PZP: variants seen among roughly 807,000 people sequenced by gnomAD.
PZP encodes pregnancy zone protein.
Under a neutral mutation model 179.8 loss-of-function variants are expected in PZP, and 150 were observed. That is an observed-to-expected ratio of 0.83 (90% CI 0.73 to 0.96). The LOEUF (loss-of-function observed/expected upper bound fraction) is 0.96, where lower values mean the gene tolerates loss of function less well. Ranked by LOEUF, PZP falls within the 40% of genes least tolerant of loss-of-function variation. PZP has a pLI of 0.00. For missense variants in PZP, 1,689 were observed against 1,764.0 expected, an observed-to-expected ratio of 0.96 and a Z score of 0.76; for synonymous variants, 624 against 652.3, an observed-to-expected ratio of 0.96 and a Z score of 0.66.
At chr12:9,191,793 GA>G (rs199558979) in intron 13 of PZP, among the ~76,000 whole-genome samples, 3 of 151,154 alleles carry the variant, frequency 2.0e-5, no homozygotes, top group African/African-American at 7.3e-5. Context: ...CCTGGCACAA[GA>G]AAAAAAAATC....
At chr12:9,160,580 T>A in intron 23 of PZP, 90 bp from the exon 24 acceptor site, 1 of 1,186,280 alleles carries the variant, frequency 8.4e-7, no homozygotes, top group Non-Finnish European at 1.2e-6. Flanking sequence ...ATTCAGAGTC[T>A]ATCATTTAGG....
At chr12:9,189,283 A>G (rs1592533745) in intron 13 of PZP, among the ~76,000 whole-genome samples, 1 of 152,216 alleles carries the variant, frequency 6.6e-6, no homozygotes, top group African/African-American at 2.4e-5. Flanking sequence ...ACAGCATAGT[A>G]CTTGTACAAA....
At chr12:9,191,146 A>G (rs1943435657) in intron 13 of PZP, among the ~76,000 whole-genome samples, 1 of 152,074 alleles carries the variant, frequency 6.6e-6, no homozygotes, top group Non-Finnish European at 1.5e-5. Flanking sequence ...CTATATAGAG[A>G]TTTTCATACA....
At chr12:9,186,102 G>T (rs753540051) in intron 13 of PZP, among the ~76,000 whole-genome samples, 2 of 151,814 alleles carry the variant, frequency 1.3e-5, no homozygotes, top group Non-Finnish European at 2.9e-5. Context: ...CACTGCACCT[G>T]GCCAACATTC....
chr12:9,199,838 C>T (rs532993560), intron 7 of PZP, among the ~76,000 whole-genome samples: 24 of 152,034 alleles, frequency 1.6e-4, no homozygotes, highest in Admixed American at 4.6e-4. Context: ...TCTCTGTTAA[C>T]TTTGGCACGT....
Position 9,162,611 on chromosome 12 carries a change from A to G in PZP, c.2774T>C (p.Met925Thr), listed in dbSNP as rs1180418397. 2 of 1,595,384 alleles carry G rather than the reference A, an allele frequency of 1.3e-6. No homozygotes were observed. Among genetic ancestry groups the G allele is most frequent in the Admixed American group, 3.3e-5 (2 of 59,952 alleles). ...TGGACTCTTACCTGAGGCACAGGTC[A>G]TAGAACTGAAAGTCTTTTCTTGCTC... The part of the protein sequence containing the change: ...GIEQEKTFSS[M>T]TCASGANVSE... Residue 925 changes from methionine (M) to threonine (T), a missense_variant, in exon 22 of 36, where the codon ATG (methionine) becomes ACG (threonine). Met to Thr is a moderately conservative substitution (Grantham distance 81, BLOSUM62 -1). Transcript: ENST00000261336.
At chr12:9,147,967 GATA>G (rs1940098317), downstream of PZP, among the ~76,000 whole-genome samples, 2 of 151,836 alleles carry the variant, frequency 1.3e-5, no homozygotes, top group Non-Finnish European at 2.9e-5. Flanking sequence ...CTGTAGATAG[GATA>G]ATGTCATTCT....
At chr12:9,202,762 CTA>C (rs1357666181) in intron 2 of PZP, 78 bp from the exon 3 acceptor site, 1 of 1,375,254 alleles carries the variant, frequency 7.3e-7, no homozygotes, top group African/African-American at 1.5e-5. Flanking sequence ...TTGCTATTTC[CTA>C]TCTCTCCTTC....
chr12:9,160,054 G>A, intron 24 of PZP, 29 bp from the exon 25 acceptor site: 7 of 1,590,334 alleles, frequency 4.4e-6, no homozygotes, highest in Non-Finnish European at 5.2e-6. Context: ...GATTGTTCAT[G>A]AAGCATTAAA....
chr12:9,148,203 GT>G (rs1195204222), downstream of PZP, among the ~76,000 whole-genome samples: 1 of 152,056 alleles, frequency 6.6e-6, no homozygotes, highest in Non-Finnish European at 1.5e-5. Context: ...TAATTAACAT[GT>G]ACATTACTTC....
intron 1 of PZP, among the ~76,000 whole-genome samples, chr12:9,204,242 AAACTTT>A (rs1451975706): frequency 6.6e-6 from 1 of 152,232 alleles, no homozygotes; most frequent in Non-Finnish European, 1.5e-5. Flanking sequence ...TGAGCTCTTT[AAACTTT>A]AACTTTGACC....
intron 23 of PZP, 28 bp from the exon 24 acceptor site, chr12:9,160,518 G>T: frequency 6.3e-7 from 1 of 1,595,994 alleles, no homozygotes; most frequent in South Asian, 1.1e-5. Context: ...TTAGATGTCA[G>T]AATAATTTCA....
intron 15 of PZP, among the ~76,000 whole-genome samples, chr12:9,172,081 A>G (rs7298213): frequency 0.6 from 90,452 of 151,910 alleles, 27,874 homozygotes; most frequent in East Asian, 0.83. Flanking sequence ...CATGTTAAGG[A>G]CACCTAGAGA....
intron 25 of PZP, 50 bp from the exon 26 acceptor site, chr12:9,158,626 A>C (rs774687510): frequency 6.3e-7 from 1 of 1,590,344 alleles, no homozygotes; most frequent in Admixed American, 1.7e-5. Context: ...TGAGCACTTT[A>C]CTGCTCTGTT....
At chr12:9,136,662 C>A in the PZP span, among the ~76,000 whole-genome samples, 1 of 151,996 alleles carries the variant, frequency 6.6e-6, no homozygotes, top group Admixed American at 6.5e-5. Flanking sequence ...TACAAAGATT[C>A]CAGTTTTCTC....
intron 15 of PZP, among the ~76,000 whole-genome samples, chr12:9,179,983 C>T (rs111944429): frequency 0.011 from 1,717 of 152,282 alleles, 29 homozygotes; most frequent in African/African-American, 0.039. Flanking sequence ...ATCCACTTTT[C>T]TAATCTTAAA....
intron 15 of PZP, among the ~76,000 whole-genome samples, chr12:9,175,600 T>A (rs1214177508): frequency 1.3e-5 from 2 of 152,048 alleles, no homozygotes; most frequent in African/African-American, 4.8e-5. Flanking sequence ...TACGAGGAAC[T>A]TAAACAAATT....
chr12:9,185,790 A>ATTTCTTTTATTTTCTTTTCT (rs1555173419), intron 13 of PZP, among the ~76,000 whole-genome samples: 1 of 134,266 alleles, frequency 7.4e-6, no homozygotes, highest in Non-Finnish European at 1.6e-5. Flanking sequence ...TATGTTCAAC[A>ATTTCTTTTATTTTCTTTTCT]TTTCTTTTCT....
intron 25 of PZP, among the ~76,000 whole-genome samples, 196 bp downstream of exon 25, chr12:9,159,742 A>G (rs1941032182): frequency 6.6e-6 from 1 of 151,616 alleles, no homozygotes; most frequent in Non-Finnish European, 1.5e-5. Flanking sequence ...CACCAGCAAG[A>G]AGACTCTCAA....
Sources: allele counts gnomAD v4.1 joint callset (sites outside exome capture counted in the v4.1 genomes callset), GRCh38; gene constraint gnomAD v4.1.1; transcripts MANE v1.5; gene names NCBI Gene and HGNC (gene_info 2026-07-23, HGNC 2026-07-21).